The following SGMS2 variants were observed in gnomAD, a reference collection of about 807,000 sequenced individuals.
SGMS2 encodes sphingomyelin synthase 2.
Under a neutral mutation model 43.8 loss-of-function variants are expected in SGMS2, and 21 were observed. That is an observed-to-expected ratio of 0.48 (90% CI 0.34 to 0.69). The LOEUF is 0.69. Ranked by LOEUF, SGMS2 falls within the 30% of genes least tolerant of loss-of-function variation. SGMS2 has a pLI of 0.01. For synonymous variants in SGMS2, 167 were observed against 160.6 expected (o/e 1.04, Z -0.30); for missense variants, 384 against 443.2 (o/e 0.87, Z 1.20).
At chr4:107,861,721 A>G (rs1263204095) in intron 2 of SGMS2, among the ~76,000 whole-genome samples, 3 of 152,234 alleles carry the variant, frequency 2.0e-5, no homozygotes, top group Non-Finnish European at 4.4e-5. Flanking sequence ...AACATGTTTA[A>G]GTTGAAAATC....
chr4:107,859,050 A>G (rs116134529), intron 2 of SGMS2, among the ~76,000 whole-genome samples: 4 of 152,224 alleles, frequency 2.6e-5, no homozygotes, highest in African/African-American at 4.8e-5. Flanking sequence ...TACCCATTCT[A>G]TGCCCACTGA....
At chr4:107,894,533 T>C (rs1463485653) in intron 2 of SGMS2, 1 of 152,194 alleles carries the variant, frequency 6.6e-6, no homozygotes, top group African/African-American at 2.4e-5. Context: ...TGGTAGAAAT[T>C]GTGGTAGCTG....
intron 2 of SGMS2, among the ~76,000 whole-genome samples, chr4:107,894,879 A>G (rs528210813): frequency 6.6e-6 from 1 of 152,242 alleles, no homozygotes; most frequent in Non-Finnish European, 1.5e-5. Context: ...TTCAATGCAT[A>G]TAAGCCTCTT....
intron 2 of SGMS2, chr4:107,867,850 G>A (rs369259649): frequency 1.3e-5 from 2 of 152,170 alleles, no homozygotes; most frequent in East Asian, 1.9e-4. Context: ...ACCCTTGTGC[G>A]GGGGCCATGC....
intron 2 of SGMS2, among the ~76,000 whole-genome samples, chr4:107,861,281 A>T (rs1387398421): frequency 6.6e-6 from 1 of 152,184 alleles, no homozygotes; most frequent in Non-Finnish European, 1.5e-5. Context: ...AATTTATATT[A>T]AGCAGGTAGT....
At chr4:107,903,501 A>C in intron 5 of SGMS2, 115 bp downstream of exon 5, 1 of 858,010 alleles carries the variant, frequency 1.2e-6, no homozygotes. Flanking sequence ...AAAGAGACGG[A>C]TGTGTGTGTA....
At chr4:107,853,128 A>G (rs1311834389) in intron 1 of SGMS2, among the ~76,000 whole-genome samples, 1 of 152,180 alleles carries the variant, frequency 6.6e-6, no homozygotes, top group East Asian at 1.9e-4. Flanking sequence ...TCATTTGGAT[A>G]TAACAACTTT....
intron 2 of SGMS2, among the ~76,000 whole-genome samples, chr4:107,890,440 C>T (rs1413776952): frequency 6.6e-6 from 1 of 152,060 alleles, no homozygotes; most frequent in East Asian, 1.9e-4. Context: ...TTTGGGAGGC[C>T]AAGGCAGGTG....
chr4:107,902,517 C>T (rs1051070082), intron 4 of SGMS2, among the ~76,000 whole-genome samples: 13 of 152,262 alleles, frequency 8.5e-5, no homozygotes, highest in Admixed American at 2.0e-4. Flanking sequence ...ACCTCTCTGG[C>T]CCCTGGCCTA....
At position 107,825,019 on chromosome 4, in the gene SGMS2, G is replaced by A. The variant is rs1278829913; in HGVS notation, c.-561G>A. On this transcript the variant is annotated 5_prime_UTR_variant, in exon 1 of 7. The change creates a new upstream start codon in the 5' untranslated region. Transcript: ENST00000690982. Reference sequence around the variant, plus strand: ...CTGGCCGGTGCTGCAGCGCCGCCGAGTGCGGCCTCGGGGGCGGCGGCCGCG... The same window carrying A: ...CTGGCCGGTGCTGCAGCGCCGCCGAATGCGGCCTCGGGGGCGGCGGCCGCG... 5 of 151,926 alleles carry A rather than the reference G, an allele frequency of 3.3e-5. No individual in the cohort carries two copies. The highest frequency in any genetic ancestry group is 1.2e-4 in the African/African-American group (5 of 41,484). 9.4% of individuals were successfully genotyped at this position (151,926 alleles called of 1,614,324 possible). A position where few individuals can be genotyped will look rare whatever the true frequency, so the allele number is the denominator to read the frequency against.
chr4:107,853,637 A>G (rs1002079736), intron 1 of SGMS2, among the ~76,000 whole-genome samples: 4 of 152,224 alleles, frequency 2.6e-5, no homozygotes, highest in Admixed American at 2.0e-4. Flanking sequence ...TTAGGAACAC[A>G]GCTTATCTTA....
chr4:107,882,693 G>A (rs1441567034), intron 2 of SGMS2, among the ~76,000 whole-genome samples: 1 of 152,114 alleles, frequency 6.6e-6, no homozygotes, highest in Non-Finnish European at 1.5e-5. Context: ...CTATTATGTT[G>A]TGACTATTTT....
intron 2 of SGMS2, among the ~76,000 whole-genome samples, chr4:107,878,642 A>G (rs1291533136): frequency 2.0e-5 from 3 of 151,752 alleles, no homozygotes; most frequent in Non-Finnish European, 2.9e-5. Flanking sequence ...ACCTTACAGC[A>G]TTTTCCATAT....
Position 107,910,427 on chromosome 4 carries a change from T to C in SGMS2, c.972T>C (p.Asn324=), listed in dbSNP as rs767876095. 6.2e-7 allele frequency: 1 copy of C among 1,614,050 alleles called. No individual in the cohort carries two copies. Among genetic ancestry groups the C allele is most frequent in the Admixed American group, 1.7e-5 (1 of 60,008 alleles). ...WFPIFYFFEK[N]VQGSIPCCFS... Reference sequence around the variant, plus strand: ...CCATCTTTTATTTTTTTGAGAAAAATGTACAAGGCTCAATTCCTTGCTGCT... The same window carrying C: ...CCATCTTTTATTTTTTTGAGAAAAACGTACAAGGCTCAATTCCTTGCTGCT... The change falls in exon 7 of 7, where the codon AAT becomes AAC. Residue 324 remains asparagine, a synonymous_variant. Transcript: ENST00000690982.
rs527287602 is a variant in SGMS2, at chr4:107,856,686, A to T, written c.-326-1786A>T. 1.5e-4 allele frequency among the ~76,000 whole-genome samples: 23 copies of T among 152,284 alleles called. 1 individual carries two copies. The highest frequency in any genetic ancestry group is 4.8e-4 in the African/African-American group (20 of 41,564). ...AGGTGATCTTTCCAGAGGGGTAAAC[A>T]TGTACCATGGGGAGTGTAGTGTACA... On this transcript the variant is annotated intron_variant, in intron 1 of 6. Transcript: ENST00000690982.
chr4:107,839,367 G>T (rs183335904), intron 1 of SGMS2, among the ~76,000 whole-genome samples: 1 of 150,974 alleles, frequency 6.6e-6, no homozygotes, highest in Non-Finnish European at 1.5e-5. Context: ...TACCAGGGCT[G>T]TGTGGAAGTG....
At chr4:107,858,400 C>G (rs1348912139) in intron 1 of SGMS2, 72 bp from the exon 2 acceptor site, 1 of 152,474 alleles carries the variant, frequency 6.6e-6, no homozygotes, top group Admixed American at 6.5e-5. Context: ...TCCACCTCCA[C>G]CCCCAGAAAA....
chr4:107,860,549 CCT>C (rs1727669062), intron 2 of SGMS2, among the ~76,000 whole-genome samples: 1 of 147,892 alleles, frequency 6.8e-6, no homozygotes, highest in African/African-American at 2.5e-5. Context: ...TGAGACGGAG[CCT>C]CTCTCTGTTG....
chr4:107,840,585 C>G (rs1013987297), intron 1 of SGMS2, among the ~76,000 whole-genome samples: 3 of 152,140 alleles, frequency 2.0e-5, no homozygotes, highest in Non-Finnish European at 4.4e-5. Context: ...AACTTGGACA[C>G]AGTAAGAGGT....
Sources: gnomAD v4.1 joint callset for allele counts (sites outside exome capture counted in the v4.1 genomes callset) on GRCh38, gnomAD v4.1.1 for gene constraint, MANE v1.5 for transcripts, NCBI Gene and HGNC (gene_info 2026-07-23, HGNC 2026-07-21) for gene names.